Variants in MDGA2 observed in about 807,000 individuals in gnomAD.
MDGA2 encodes the protein MAM domain containing glycosylphosphatidylinositol anchor 2.
Under a neutral mutation model 117.8 loss-of-function variants are expected in MDGA2, and 40 were observed. That is an observed-to-expected ratio of 0.34 (90% CI 0.26 to 0.44). The LOEUF is 0.44. Among genes scored for constraint, MDGA2 ranks in the 20% least tolerant of loss-of-function variants. The probability of loss-of-function intolerance (pLI) is 1.00; values close to 1 mark genes in which losing one functional copy is unlikely to be tolerated. For missense variants in MDGA2, 1,123 were observed against 1,250.6 expected, an observed-to-expected ratio of 0.90 and a Z score of 1.54; for synonymous variants, 452 against 439.0, an observed-to-expected ratio of 1.03 and a Z score of -0.37.
intron 1 of MDGA2, among the ~76,000 whole-genome samples, chr14:47,524,473 C>A (rs1259138041): frequency 6.6e-6 from 1 of 152,106 alleles, no homozygotes; most frequent in Non-Finnish European, 1.5e-5. Context: ...AGTATGGCTT[C>A]TAGAGAATTA....
intron 7 of MDGA2, among the ~76,000 whole-genome samples, chr14:47,041,266 T>C (rs533920431): frequency 6.6e-6 from 1 of 152,190 alleles, no homozygotes; most frequent in East Asian, 1.9e-4. Context: ...TGAATTATTT[T>C]TTAAAAAAAC....
At chr14:47,302,144 C>T (rs867534190) in intron 1 of MDGA2, among the ~76,000 whole-genome samples, 22 of 152,118 alleles carry the variant, frequency 1.4e-4, no homozygotes, top group African/African-American at 4.3e-4. Context: ...CCATTGTCGC[C>T]TGAGTCTAAA....
chr14:47,035,211 G>C lies in MDGA2; in HGVS notation c.1619C>G (p.Pro540Arg), dbSNP rs1392417066. The change falls in exon 8 of 17, where the codon CCT becomes CGT. Residue 540 changes from proline (P) to arginine (R), a missense_variant. Transcript: ENST00000399232. ...TCTAGACCAAAGGATGATTGGTTTA[G>C]GTTTGCCAGTTACTTGACATTGCAG... ...IELQCQVTGK[P>R]KPIILWSRAD... 2 of 1,614,006 alleles carry C rather than the reference G, an allele frequency of 1.2e-6. No individual in the cohort carries two copies. The highest frequency in any genetic ancestry group is 8.5e-7 in the Non-Finnish European group (1 of 1,180,030).
chr14:47,197,854 A>G (rs553615192), intron 3 of MDGA2, among the ~76,000 whole-genome samples: 5 of 152,142 alleles, frequency 3.3e-5, no homozygotes, highest in Non-Finnish European at 7.4e-5. Context: ...GGTTGCAGTG[A>G]GCCGAGATTG....
intron 1 of MDGA2, among the ~76,000 whole-genome samples, chr14:47,388,390 A>G (rs1327025032): frequency 6.6e-6 from 1 of 152,196 alleles, no homozygotes; most frequent in East Asian, 1.9e-4. Flanking sequence ...AGACTCTATT[A>G]TCCCAAATAC....
chr14:47,131,738 A>T lies in MDGA2; in HGVS notation c.901T>A (p.Ser301Thr). ...NVCNIPDKMV[S>T]FRLSNKTASP... Reference sequence around the variant, plus strand: ...CCTGTTTTATTGGACAGTCTAAACGACACCATCTTATCAGGAATATTACAT... The same window carrying T: ...CCTGTTTTATTGGACAGTCTAAACGTCACCATCTTATCAGGAATATTACAT... The change falls in exon 5 of 17, where the codon TCG (serine) becomes ACG (threonine). Residue 301 changes from serine (S) to threonine (T), a missense_variant. Physicochemically the swap from Ser to Thr is moderately conservative, Grantham distance 58. Coordinates refer to ENST00000399232, the MANE Select transcript of MDGA2 (RefSeq NM_001113498.3). 5 of 1,579,156 alleles carry T rather than the reference A, an allele frequency of 3.2e-6. 1 individual carries two copies. The highest frequency in any genetic ancestry group is 3.5e-6 in the Non-Finnish European group (4 of 1,154,856).
At chr14:47,284,210 T>C (rs1360857039) in intron 2 of MDGA2, among the ~76,000 whole-genome samples, 1 of 152,172 alleles carries the variant, frequency 6.6e-6, no homozygotes, top group African/African-American at 2.4e-5. Context: ...AGAGGGCAGT[T>C]ATGATTAATT....
chr14:47,564,649 C>T (rs922855795), intron 1 of MDGA2, among the ~76,000 whole-genome samples: 1 of 152,132 alleles, frequency 6.6e-6, no homozygotes. Context: ...CAGAGCCAAA[C>T]CATATCAGCT....
intron 1 of MDGA2, among the ~76,000 whole-genome samples, chr14:47,360,935 G>A (rs1439699665): frequency 2.0e-5 from 3 of 152,044 alleles, no homozygotes; most frequent in African/African-American, 7.3e-5. Context: ...CAGGGATGAT[G>A]GGGGAAATGG....
At chr14:47,147,868 G>C (rs1311477231) in intron 3 of MDGA2, among the ~76,000 whole-genome samples, 5 of 152,060 alleles carry the variant, frequency 3.3e-5, no homozygotes, top group Non-Finnish European at 7.4e-5. Flanking sequence ...CCCTGCGCTA[G>C]TACATTTTTT....
At chr14:47,286,460 T>A (rs1566720577) in intron 2 of MDGA2, among the ~76,000 whole-genome samples, 2 of 152,194 alleles carry the variant, frequency 1.3e-5, no homozygotes, top group South Asian at 2.1e-4. Flanking sequence ...AGCTCTTACA[T>A]GTTAGTGAGA....
At chr14:46,894,643 T>G (rs1883008507) in intron 10 of MDGA2, among the ~76,000 whole-genome samples, 1 of 152,162 alleles carries the variant, frequency 6.6e-6, no homozygotes, top group African/African-American at 2.4e-5. Context: ...GAGTTTGTAC[T>G]CATAACTGTT....
intron 3 of MDGA2, among the ~76,000 whole-genome samples, chr14:47,166,993 C>A (rs905797871): frequency 1.3e-5 from 2 of 152,130 alleles, no homozygotes; most frequent in Non-Finnish European, 2.9e-5. Context: ...TCTCAGTTGC[C>A]ATCTCTGGTC....
chr14:47,557,903 T>G (rs1895715188), intron 1 of MDGA2, among the ~76,000 whole-genome samples: 1 of 152,192 alleles, frequency 6.6e-6, no homozygotes, highest in African/African-American at 2.4e-5. Flanking sequence ...ATAAAAGAGC[T>G]TCAAACAGAT....
At chr14:46,918,507 A>G (rs903171757) in intron 10 of MDGA2, among the ~76,000 whole-genome samples, 1 of 152,150 alleles carries the variant, frequency 6.6e-6, no homozygotes, top group Non-Finnish European at 1.5e-5. Context: ...AAAATTAGCA[A>G]ATTAGAATGG....
At chr14:47,515,220 G>C (rs1188159825) in intron 1 of MDGA2, among the ~76,000 whole-genome samples, 1 of 152,136 alleles carries the variant, frequency 6.6e-6, no homozygotes, top group Non-Finnish European at 1.5e-5. Flanking sequence ...TGAGGGGCTG[G>C]CTAGTTGATT....
chr14:47,335,649 C>T (rs1442389326), intron 1 of MDGA2, among the ~76,000 whole-genome samples: 2 of 148,558 alleles, frequency 1.3e-5, no homozygotes, highest in Non-Finnish European at 1.5e-5. Flanking sequence ...TGTAATCTTA[C>T]ATAAATACAT....
intron 1 of MDGA2, among the ~76,000 whole-genome samples, chr14:47,642,996 T>TTGTA (rs529803682): frequency 1.0e-3 from 152 of 152,088 alleles, no homozygotes; most frequent in Admixed American, 3.5e-3. Context: ...ACAGAGTATT[T>TTGTA]TGTATGTATG....
intron 1 of MDGA2, among the ~76,000 whole-genome samples, chr14:47,403,339 A>G (rs1034639050): frequency 6.6e-6 from 1 of 152,194 alleles, no homozygotes; most frequent in African/African-American, 2.4e-5. Context: ...GGAATCTGGA[A>G]ATAAGATTTT....
Sources: allele counts gnomAD v4.1 joint callset (sites outside exome capture counted in the v4.1 genomes callset), GRCh38; gene constraint gnomAD v4.1.1; transcripts MANE v1.5; gene names NCBI Gene and HGNC (gene_info 2026-07-23, HGNC 2026-07-21).